Variants in GLRA3 observed in about 807,000 individuals in gnomAD.
GLRA3 encodes glycine receptor alpha 3.
GLRA3 carries 44 observed loss-of-function variants against 60.4 expected under a neutral mutation model. The observed-to-expected ratio is 0.73, with a 90% CI of 0.57 to 0.94. GLRA3 has a LOEUF of 0.94. Among genes scored for constraint, GLRA3 ranks in the 40% least tolerant of loss-of-function variants. The pLI is 0.00. For missense variants in GLRA3, 508 were observed against 564.6 expected (o/e 0.90, Z 1.02); for synonymous variants, 223 against 192.9 (o/e 1.16, Z -1.29).
intron 2 of GLRA3, among the ~76,000 whole-genome samples, chr4:174,780,399 C>T (rs1579595187): frequency 6.6e-6 from 1 of 151,542 alleles, no homozygotes. Context: ...GAAGAAACTG[C>T]ATCAACTAAC....
Position 174,710,976 on chromosome 4 carries a change from T to C in GLRA3, c.574+4512A>G, listed in dbSNP as rs187462119. ...TTATTTGTATCTAGAAATTTTGATA[T>C]ATTGTGCTTTCATTGTAACTTAACA... is the stretch of plus-strand genomic sequence containing the variant. On this transcript the variant is annotated intron_variant, in intron 5 of 9. Transcript: ENST00000274093. Among the ~76,000 whole-genome samples the C allele has an allele frequency of 1.4e-4, 22 of 152,178 alleles. No individual in the cohort carries two copies. The East Asian group carries it at 2.1e-3, about 15-fold the overall frequency.
chr4:174,794,481 GCA>G (rs1374896799), intron 1 of GLRA3, among the ~76,000 whole-genome samples: 2 of 151,286 alleles, frequency 1.3e-5, no homozygotes, highest in Non-Finnish European at 3.0e-5. Flanking sequence ...ATGCACACAC[GCA>G]CACACACACA....
chr4:174,751,034 C>G (rs1462214728), intron 3 of GLRA3, among the ~76,000 whole-genome samples: 2 of 151,678 alleles, frequency 1.3e-5, no homozygotes, highest in African/African-American at 4.8e-5. Flanking sequence ...ATCAGCTAAC[C>G]CAGAAAAAAG....
intron 3 of GLRA3, among the ~76,000 whole-genome samples, chr4:174,762,454 A>C (rs1040370955): frequency 3.3e-5 from 5 of 152,094 alleles, no homozygotes; most frequent in African/African-American, 1.2e-4. Flanking sequence ...TTATCATCTC[A>C]GTGATTTTTT....
chr4:174,811,203 T>TA (rs1740260060), intron 1 of GLRA3, among the ~76,000 whole-genome samples: 1 of 150,110 alleles, frequency 6.7e-6, no homozygotes, highest in African/African-American at 2.5e-5. Context: ...TTTTTTTTTT[T>TA]AATGAAAAAT....
intron 7 of GLRA3, among the ~76,000 whole-genome samples, chr4:174,665,090 G>A (rs1396312289): frequency 1.3e-5 from 2 of 152,048 alleles, no homozygotes; most frequent in Non-Finnish European, 2.9e-5. Context: ...CAGTGGCCAG[G>A]GAAGACCTCC....
At chr4:174,780,583 G>C (rs1448115334) in intron 2 of GLRA3, among the ~76,000 whole-genome samples, 4 of 147,084 alleles carry the variant, frequency 2.7e-5, no homozygotes, top group Non-Finnish European at 4.5e-5. Context: ...CACATGCAGA[G>C]ACACACATAG....
intron 1 of GLRA3, among the ~76,000 whole-genome samples, chr4:174,804,028 A>C (rs1388167728): frequency 6.6e-6 from 1 of 152,142 alleles, no homozygotes; most frequent in Non-Finnish European, 1.5e-5. Flanking sequence ...TGCTGAATGG[A>C]TATTTAAAGT....
At chr4:174,763,764 C>T (rs1579568601) in intron 3 of GLRA3, among the ~76,000 whole-genome samples, 1 of 152,136 alleles carries the variant, frequency 6.6e-6, no homozygotes, top group Admixed American at 6.5e-5. Flanking sequence ...GTGCCTCTCT[C>T]GCCAAGACCA....
Position 174,747,344 on chromosome 4 carries a change from G to A in GLRA3, c.268-18646C>T, listed in dbSNP as rs561543469. Among the ~76,000 whole-genome samples, 5 of 152,280 alleles carry A rather than the reference G, an allele frequency of 3.3e-5. No homozygotes were observed. In the South Asian group the frequency reaches 6.2e-4, roughly 19 times the overall value. Reference sequence around the variant, plus strand: ...CAAAGGGCATTCTGAAATGCACAGTGGGTTAGGAGATGGGGTGGGGCGAGA... The same window carrying A: ...CAAAGGGCATTCTGAAATGCACAGTAGGTTAGGAGATGGGGTGGGGCGAGA... On this transcript the variant is annotated intron_variant, in intron 3 of 9. Coordinates refer to ENST00000274093, the MANE Select transcript of GLRA3 (RefSeq NM_006529.4).
At chr4:174,649,494 G>A (rs1732953593) in intron 9 of GLRA3, among the ~76,000 whole-genome samples, 1 of 152,178 alleles carries the variant, frequency 6.6e-6, no homozygotes, top group Non-Finnish European at 1.5e-5. Flanking sequence ...TTAATTGGAT[G>A]TAATAAAATG....
intron 1 of GLRA3, among the ~76,000 whole-genome samples, chr4:174,816,052 CAAACCATATCCCTTGATA>C (rs1378999181): frequency 4.6e-5 from 7 of 152,150 alleles, no homozygotes; most frequent in African/African-American, 1.4e-4. Flanking sequence ...GGGACACAGC[CAAACCATATCCCTTGATA>C]AAATGCACAT....
At chr4:174,689,724 C>A (rs1012524293) in intron 5 of GLRA3, among the ~76,000 whole-genome samples, 2 of 130,356 alleles carry the variant, frequency 1.5e-5, no homozygotes, top group Non-Finnish European at 3.1e-5. Context: ...GCTAAATGCC[C>A]CACTTAAAAG....
intron 3 of GLRA3, among the ~76,000 whole-genome samples, chr4:174,755,967 C>T (rs1291323263): frequency 6.6e-6 from 1 of 152,196 alleles, no homozygotes; most frequent in African/African-American, 2.4e-5. Context: ...AAAGACTTCT[C>T]ATCTTGCAAG....
intron 5 of GLRA3, among the ~76,000 whole-genome samples, chr4:174,701,353 G>A (rs555351738): frequency 1.3e-5 from 2 of 152,168 alleles, no homozygotes; most frequent in Non-Finnish European, 2.9e-5. Context: ...TAAGCCCACA[G>A]TTGAGACCTA....
At chr4:174,780,714 A>C (rs1275790019) in intron 2 of GLRA3, among the ~76,000 whole-genome samples, 51 of 147,514 alleles carry the variant, frequency 3.5e-4, no homozygotes, top group South Asian at 6.7e-4. Context: ...AAAGAGACAA[A>C]GAAGGCCATT....
intron 1 of GLRA3, among the ~76,000 whole-genome samples, chr4:174,804,521 T>C (rs1207922669): frequency 1.3e-5 from 2 of 152,032 alleles, no homozygotes; most frequent in Admixed American, 1.3e-4. Context: ...GACATATAAT[T>C]AATAAAATCC....
chr4:174,765,549 C>G (rs1738107603), intron 3 of GLRA3, among the ~76,000 whole-genome samples: 1 of 151,840 alleles, frequency 6.6e-6, no homozygotes, highest in South Asian at 2.1e-4. Flanking sequence ...ATTTGAGAAG[C>G]CTAAATAGAA....
Position 174,642,933 on chromosome 4 carries a change from A to G in GLRA3, c.*853T>C. ...AAGTCTTACTGAATTTTGTCCTGTT[A>G]TATCAAATTATTAAACACAATCACA... On this transcript the variant is annotated 3_prime_UTR_variant, in exon 10 of 10. Coordinates refer to ENST00000274093, the MANE Select transcript of GLRA3 (RefSeq NM_006529.4). 2 of 797,202 alleles carry G rather than the reference A, an allele frequency of 2.5e-6. No individual in the cohort carries two copies. The highest frequency in any genetic ancestry group is 3.0e-6 in the Non-Finnish European group (2 of 658,754). The allele number at this position is 797,202 out of a possible 1,614,324, so 49.4% of individuals were successfully genotyped here.
Sources: allele counts gnomAD v4.1 joint callset (sites outside exome capture counted in the v4.1 genomes callset), GRCh38; gene constraint gnomAD v4.1.1; transcripts MANE v1.5; gene names NCBI Gene and HGNC (gene_info 2026-07-23, HGNC 2026-07-21).